Variants in COQ2 observed in about 807,000 individuals in gnomAD.
The protein encoded by COQ2 is 4-hydroxybenzoate polyprenyltransferase, mitochondrial.
COQ2 carries 25 observed loss-of-function variants against 35.7 expected under a neutral mutation model. That is an observed-to-expected ratio of 0.70 (90% CI 0.51 to 0.98). The LOEUF is 0.98. COQ2 is among the 50% of genes least tolerant of loss of function. COQ2 has a pLI of 0.00. For synonymous variants in COQ2, 206 were observed against 186.2 expected (o/e 1.11, Z -0.86); for missense variants, 488 against 473.5 (o/e 1.03, Z -0.28).
Position 83,284,789 on chromosome 4 carries a change from T to C in COQ2, c.-25A>G, listed in dbSNP as rs748169739. On this transcript the variant is annotated 5_prime_UTR_variant, in exon 1 of 7. Coordinates refer to ENST00000647002, the MANE Select transcript of COQ2 (RefSeq NM_001358921.2). ...TGGCGCTGGTGAGGCCGGGACGAGCTCGGATTGACGTCATTCCCCGGCAGG... is the reference window on the plus strand; with the variant it reads ...TGGCGCTGGTGAGGCCGGGACGAGCCCGGATTGACGTCATTCCCCGGCAGG... 6.4e-7 allele frequency: 1 copy of C among 1,567,956 alleles called. No homozygotes were observed. The highest frequency in any genetic ancestry group is 1.4e-5 in the African/African-American group (1 of 73,726).
chr4:83,266,353 T>TC (rs1177418891), intron 6 of COQ2, among the ~76,000 whole-genome samples: 1 of 135,604 alleles, frequency 7.4e-6, no homozygotes, highest in Non-Finnish European at 1.5e-5. Context: ...ATGAATATCT[T>TC]CTTTTTTTTT....
intron 1 of COQ2, among the ~76,000 whole-genome samples, chr4:83,280,379 G>A (rs1011711473): frequency 6.6e-6 from 1 of 152,194 alleles, no homozygotes; most frequent in African/African-American, 2.4e-5. Context: ...AGAAAGTTCA[G>A]ATCCTGAAGA....
chr4:83,265,917 G>A (rs370625011), intron 6 of COQ2, among the ~76,000 whole-genome samples: 44 of 152,130 alleles, frequency 2.9e-4, no homozygotes, highest in African/African-American at 1.0e-3. Context: ...TGCCCACCTC[G>A]GCCTCCCAAA....
At chr4:83,265,312 G>A (rs1041939011) in intron 6 of COQ2, among the ~76,000 whole-genome samples, 3 of 152,174 alleles carry the variant, frequency 2.0e-5, no homozygotes, top group Non-Finnish European at 2.9e-5. Context: ...GCTCATGCCT[G>A]TAATCCCAGC....
intron 2 of COQ2, among the ~76,000 whole-genome samples, chr4:83,274,483 C>T (rs938982072): frequency 3.9e-5 from 6 of 152,212 alleles, no homozygotes; most frequent in Admixed American, 6.5e-5. Flanking sequence ...GCGTGAGCCA[C>T]GGTGCCCAGC....
intron 4 of COQ2, among the ~76,000 whole-genome samples, chr4:83,270,725 C>G (rs897359743): frequency 1.6e-4 from 25 of 152,178 alleles, no homozygotes; most frequent in African/African-American, 6.0e-4. Flanking sequence ...TCCTGCCTGA[C>G]ACGTTGTACT....
intron 2 of COQ2, among the ~76,000 whole-genome samples, chr4:83,276,070 T>TATATA (rs1553916304): frequency 7.5e-5 from 5 of 66,618 alleles, no homozygotes; most frequent in African/African-American, 4.7e-5. Flanking sequence ...ATATATATTT[T>TATATA]ATATATAATA....
At chr4:83,277,311 G>C (rs981380829) in intron 2 of COQ2, among the ~76,000 whole-genome samples, 2 of 152,156 alleles carry the variant, frequency 1.3e-5, no homozygotes, top group Non-Finnish European at 1.5e-5. Flanking sequence ...ATATCCTCCA[G>C]CCACACACAG....
intron 1 of COQ2, chr4:83,283,776 A>C: frequency 2.0e-6 from 2 of 985,436 alleles, no homozygotes; most frequent in Non-Finnish European, 2.4e-6. Context: ...ACAAGCGCAT[A>C]AGGTTAGTTA....
chr4:83,284,571 T>TCCA lies in COQ2; in HGVS notation c.191_193dup (p.Val64dup), dbSNP rs751748740. ...CGGCTGCAGGGGGCGGGGCGCAGAG[T>TCCA]CCACCACCGCCGCCGCGGACAAACT... On this transcript the variant is annotated inframe_insertion, in exon 1 of 7. Coordinates refer to ENST00000647002, the MANE Select transcript of COQ2 (RefSeq NM_001358921.2). 24 of 1,557,416 alleles carry TCCA rather than the reference T, an allele frequency of 1.5e-5. No individual in the cohort carries two copies. The South Asian group carries it at 2.5e-4, about 16-fold the overall frequency.
chr4:83,272,953 C>T (rs1432253800), intron 3 of COQ2, among the ~76,000 whole-genome samples: 1 of 152,084 alleles, frequency 6.6e-6, no homozygotes, highest in Non-Finnish European at 1.5e-5. Context: ...AACTTTTTGT[C>T]TTTCTTCTCT....
rs557332372 is a variant in COQ2 at position 83,283,889 on chromosome 4, C to T, written c.253+623G>A. Reference sequence around the variant, plus strand: ...GTCAGGAAAATCTTTCTGTCGGGGGCGATTGTAAGCTGACAGGCAGTCCGT... The same window carrying T: ...GTCAGGAAAATCTTTCTGTCGGGGGTGATTGTAAGCTGACAGGCAGTCCGT... On this transcript the variant is annotated intron_variant, in intron 1 of 6. Transcript: ENST00000647002. 166 of 985,352 alleles carry T rather than the reference C, an allele frequency of 1.7e-4. 3 individuals carry two copies. The South Asian group carries it at 7.1e-3, about 42-fold the overall frequency. The allele number at this position is 985,352 out of a possible 1,614,324, so 61.0% of individuals were successfully genotyped here.
intron 1 of COQ2, chr4:83,284,181 G>A: frequency 1.0e-6 from 1 of 985,464 alleles, no homozygotes; most frequent in Non-Finnish European, 1.2e-6. Flanking sequence ...AAGTGTTTGT[G>A]GAATGAGAAT....
chr4:83,283,724 C>T, intron 1 of COQ2: 3 of 985,364 alleles, frequency 3.0e-6, no homozygotes, highest in Non-Finnish European at 2.4e-6. Flanking sequence ...GTAGTAGGAA[C>T]TTATTAATTC....
intron 6 of COQ2, among the ~76,000 whole-genome samples, chr4:83,264,802 G>A (rs1734872361): frequency 6.6e-6 from 1 of 152,146 alleles, no homozygotes. Flanking sequence ...TATACTGACT[G>A]ATCTAAAGTC....
intron 2 of COQ2, among the ~76,000 whole-genome samples, chr4:83,277,326 T>C (rs941421925): frequency 6.6e-6 from 1 of 152,138 alleles, no homozygotes; most frequent in Non-Finnish European, 1.5e-5. Flanking sequence ...ACACAGACCA[T>C]GTAGTTGCTG....
intron 6 of COQ2, among the ~76,000 whole-genome samples, chr4:83,265,238 C>T (rs999364724): frequency 2.6e-5 from 4 of 152,168 alleles, no homozygotes; most frequent in African/African-American, 9.7e-5. Context: ...TCTTTAAATA[C>T]TAAAAGGCTA....
At chr4:83,270,046 C>A in intron 4 of COQ2, 53 bp from the exon 5 acceptor site, 7 of 1,591,030 alleles carry the variant, frequency 4.4e-6, no homozygotes, top group South Asian at 1.1e-5. Context: ...CTTTAGAATC[C>A]TAAAGGGAAG....
In COQ2 at chr4:83,265,978, A is replaced by G. The variant is rs117063465; in HGVS notation, c.951+1608T>C. ...CTGCGCCTGGCCGAATATTCCTTAT[A>G]GTATTTGTGATTGTCTTAATAATTT... is the stretch of plus-strand genomic sequence containing the variant. On this transcript the variant is annotated intron_variant, in intron 6 of 6. Coordinates refer to ENST00000647002, the MANE Select transcript of COQ2 (RefSeq NM_001358921.2). 7.6e-3 allele frequency among the ~76,000 whole-genome samples: 1,160 copies of G among 152,252 alleles called. 44 individuals are homozygous for G. Among genetic ancestry groups the G allele is most frequent in the Admixed American group, 0.064 (986 of 15,290 alleles).
Sources: allele counts gnomAD v4.1 joint callset (sites outside exome capture counted in the v4.1 genomes callset), GRCh38; gene constraint gnomAD v4.1.1; transcripts MANE v1.5; gene names NCBI Gene and HGNC (gene_info 2026-07-23, HGNC 2026-07-21).